Variants in LGR6 observed in about 807,000 individuals in gnomAD.
The protein encoded by LGR6 is leucine-rich repeat-containing G protein-coupled receptor 6.
In LGR6, 45 loss-of-function variants were observed where a neutral mutation model predicts 69.4. The ratio of observed to expected loss-of-function variants is 0.65; its 90% CI spans 0.51 to 0.83. The LOEUF (loss-of-function observed/expected upper bound fraction) is 0.83. LGR6 is among the 40% of genes least tolerant of loss of function. The probability of loss-of-function intolerance (pLI) is 0.00; values close to 1 mark genes in which losing one functional copy is unlikely to be tolerated. For missense variants in LGR6, 1,108 were observed against 1,246.7 expected, an observed-to-expected ratio of 0.89 and a Z score of 1.68; for synonymous variants, 538 against 555.0, an observed-to-expected ratio of 0.97 and a Z score of 0.43.
At chr1:202,317,340 T>TG (rs60701580) in intron 17 of LGR6, among the ~76,000 whole-genome samples, 1,213 of 45,472 alleles carry the variant, frequency 0.027, 17 homozygotes, top group African/African-American at 0.059. Flanking sequence ...TGTTTTTTTG[T>TG]TTTTTTTTTG....
At chr1:202,277,886 A>T (rs1665708347) in intron 5 of LGR6, among the ~76,000 whole-genome samples, 1 of 151,784 alleles carries the variant, frequency 6.6e-6, no homozygotes, top group South Asian at 2.1e-4. Flanking sequence ...TGGAAAGATG[A>T]TGAAATGAAG....
chr1:202,247,318 C>A (rs570180011), intron 4 of LGR6, among the ~76,000 whole-genome samples: 1 of 152,338 alleles, frequency 6.6e-6, no homozygotes, highest in African/African-American at 2.4e-5. Flanking sequence ...CATCCCTCCA[C>A]CCCCCAGGGG....
chr1:202,213,259 C>G (rs978257500), intron 1 of LGR6, among the ~76,000 whole-genome samples: 5 of 152,218 alleles, frequency 3.3e-5, no homozygotes, highest in Admixed American at 6.5e-5. Context: ...CCCCTAGACA[C>G]TGCCACCTTA....
At chr1:202,302,799 G>A (rs1371837250) in intron 9 of LGR6, among the ~76,000 whole-genome samples, 4 of 151,940 alleles carry the variant, frequency 2.6e-5, no homozygotes, top group Non-Finnish European at 2.9e-5. Flanking sequence ...CGCCCGCCTC[G>A]GCCTCCCAAA....
Position 202,319,111 on chromosome 1 carries a change from G to C in LGR6, c.2808G>C (p.Leu936=). ...CCCAACCCTCCATGGATGGAGAACT[G>C]CTGCTGAGGGCAGAGGGATCTACGC... The part of the protein sequence containing the change: ...GNPQPSMDGE[L]LLRAEGSTPA... Residue 936 remains leucine, a synonymous_variant, in exon 18 of 18, where the codon CTG becomes CTC. Coordinates refer to ENST00000367278, the MANE Select transcript of LGR6 (RefSeq NM_001017403.2). The C allele has an allele frequency of 6.2e-7, 1 of 1,614,260 alleles. No homozygotes were observed. Among genetic ancestry groups the C allele is most frequent in the East Asian group, 2.2e-5 (1 of 44,886 alleles).
chr1:202,266,520 C>T (rs1312368373), intron 4 of LGR6, among the ~76,000 whole-genome samples: 1 of 150,936 alleles, frequency 6.6e-6, no homozygotes, highest in Non-Finnish European at 1.5e-5. Flanking sequence ...CCAATGCCTA[C>T]AATTTAAAGT....
chr1:202,280,903 T>G (rs773894976), intron 6 of LGR6, 51 bp downstream of exon 6: 2 of 1,499,754 alleles, frequency 1.3e-6, no homozygotes, highest in South Asian at 2.4e-5. Flanking sequence ...GATGAAAGCC[T>G]GGAGTCTTGG....
At chr1:202,306,332 C>G (rs1332434078) in intron 12 of LGR6, among the ~76,000 whole-genome samples, 1 of 152,190 alleles carries the variant, frequency 6.6e-6, no homozygotes, top group Admixed American at 6.5e-5. Context: ...TTGAGCTTCC[C>G]TGTGTCTGTA....
Position 202,220,823 on chromosome 1 carries a change from A to G in LGR6, c.213-4600A>G, listed in dbSNP as rs77146858. ...GCCACTGTAGCTGGCCTTTTCCTGAAAGCAGATCTTAAATGCTCCTATCAG... is the reference window on the plus strand; with the variant it reads ...GCCACTGTAGCTGGCCTTTTCCTGAGAGCAGATCTTAAATGCTCCTATCAG... On this transcript the variant is annotated intron_variant, in intron 1 of 17. Coordinates refer to ENST00000367278, the MANE Select transcript of LGR6 (RefSeq NM_001017403.2). Among the ~76,000 whole-genome samples, 654 of 151,816 alleles carry G rather than the reference A, an allele frequency of 4.3e-3. 3 individuals are homozygous for G. The highest frequency in any genetic ancestry group is 0.02 in the South Asian group (94 of 4,788).
chr1:202,265,234 C>T (rs959181226), intron 4 of LGR6, among the ~76,000 whole-genome samples: 1 of 152,172 alleles, frequency 6.6e-6, no homozygotes, highest in Non-Finnish European at 1.5e-5. Flanking sequence ...TCTGGTGGCT[C>T]AGTTGACCTC....
chr1:202,284,008 A>C (rs188265337), intron 6 of LGR6, among the ~76,000 whole-genome samples: 1 of 152,306 alleles, frequency 6.6e-6, no homozygotes, highest in East Asian at 1.9e-4. Flanking sequence ...TGTGAGAGAC[A>C]TACACCATGC....
intron 1 of LGR6, among the ~76,000 whole-genome samples, chr1:202,219,313 C>A (rs1334918688): frequency 6.6e-6 from 1 of 152,196 alleles, no homozygotes; most frequent in African/African-American, 2.4e-5. Flanking sequence ...CTCAGCCTGG[C>A]CCTCATGGGG....
At chr1:202,286,564 T>C (rs544744079) in intron 6 of LGR6, among the ~76,000 whole-genome samples, 1 of 152,208 alleles carries the variant, frequency 6.6e-6, no homozygotes, top group East Asian at 1.9e-4. Context: ...TTAATTTGGG[T>C]TTCTCTGCCT....
chr1:202,268,487 C>G lies in LGR6; in HGVS notation c.429-7819C>G, dbSNP rs547120109. Among the ~76,000 whole-genome samples, 1 of 152,138 alleles carries G rather than the reference C, an allele frequency of 6.6e-6. No individual in the cohort carries two copies. Among genetic ancestry groups the G allele is most frequent in the African/African-American group, 2.4e-5 (1 of 41,502 alleles). ...TTTTTTTTAACTTTTAATATCCTCCCCCTTCCACCCTCCATTCTGTACTCC... is the reference window on the plus strand; with the variant it reads ...TTTTTTTTAACTTTTAATATCCTCCGCCTTCCACCCTCCATTCTGTACTCC... On this transcript the variant is annotated intron_variant, in intron 4 of 17. Transcript: ENST00000367278. The surrounding 1 kb of genome is among the most constrained non-coding windows in gnomAD (Gnocchi z 4.4).
chr1:202,286,885 G>A (rs1277983218), intron 6 of LGR6, among the ~76,000 whole-genome samples: 4 of 152,150 alleles, frequency 2.6e-5, no homozygotes, highest in Non-Finnish European at 5.9e-5. Context: ...CCATTGCCCT[G>A]GTGTGGGGGG....
intron 1 of LGR6, among the ~76,000 whole-genome samples, chr1:202,217,224 A>G (rs1309363001): frequency 6.6e-6 from 1 of 152,206 alleles, no homozygotes; most frequent in Non-Finnish European, 1.5e-5. Context: ...AGAAGAGGTC[A>G]GAGCAATACG....
At chr1:202,205,700 A>G (rs1659185140) in intron 1 of LGR6, among the ~76,000 whole-genome samples, 1 of 138,684 alleles carries the variant, frequency 7.2e-6, no homozygotes, top group South Asian at 2.4e-4. Flanking sequence ...TCAAACATAC[A>G]CACACACCCC....
chr1:202,253,287 T>C (rs1663424528), intron 4 of LGR6, among the ~76,000 whole-genome samples: 1 of 152,036 alleles, frequency 6.6e-6, no homozygotes, highest in Non-Finnish European at 1.5e-5. Context: ...GAGTGCATGA[T>C]AACTGATGGT....
intron 4 of LGR6, among the ~76,000 whole-genome samples, chr1:202,260,239 A>G (rs545082854): frequency 6.6e-6 from 1 of 151,808 alleles, no homozygotes; most frequent in African/African-American, 2.4e-5. Context: ...GGGTTTTGTC[A>G]TGTTGGCCAG....
Sources: allele counts gnomAD v4.1 joint callset (sites outside exome capture counted in the v4.1 genomes callset), GRCh38; gene constraint gnomAD v4.1.1; non-coding constraint Gnocchi (gnomAD v3.1); transcripts MANE v1.5; gene names NCBI Gene and HGNC (gene_info 2026-07-23, HGNC 2026-07-21).